ADGRG7: variants seen among roughly 807,000 people sequenced by gnomAD.
ADGRG7 encodes the protein adhesion G protein-coupled receptor G7.
ADGRG7 carries 82 observed loss-of-function variants against 88.6 expected under a neutral mutation model. That is an observed-to-expected ratio of 0.93 (90% CI 0.77 to 1.11). The LOEUF is 1.11. Ranked by LOEUF, ADGRG7 falls within the 50% of genes most tolerant of loss-of-function variation. ADGRG7 has a pLI of 0.00. For missense variants in ADGRG7, 945 were observed against 953.4 expected, an observed-to-expected ratio of 0.99 and a Z score of 0.12; for synonymous variants, 381 against 345.2, an observed-to-expected ratio of 1.10 and a Z score of -1.15.
At chr3:100,619,650 A>T (rs2149012709) in intron 1 of ADGRG7, among the ~76,000 whole-genome samples, 1 of 152,188 alleles carries the variant, frequency 6.6e-6, no homozygotes, top group East Asian at 1.9e-4. Flanking sequence ...ACAAAATTGA[A>T]AGACAGCTAG....
chr3:100,663,878 C>T (rs1170974458), intron 14 of ADGRG7, among the ~76,000 whole-genome samples: 2 of 152,042 alleles, frequency 1.3e-5, no homozygotes, highest in East Asian at 3.9e-4. Flanking sequence ...CATCATCTAA[C>T]AAGACTGGTT....
chr3:100,687,918 T>A (rs1409934561), intron 15 of ADGRG7, among the ~76,000 whole-genome samples: 5 of 152,196 alleles, frequency 3.3e-5, no homozygotes, highest in Non-Finnish European at 7.3e-5. Context: ...GATTCCCTCT[T>A]TTTCTATTGA....
At chr3:100,639,814 A>G (rs186350465) in intron 6 of ADGRG7, among the ~76,000 whole-genome samples, 3 of 152,368 alleles carry the variant, frequency 2.0e-5, no homozygotes, top group Admixed American at 6.5e-5. Context: ...GACTTAATAT[A>G]TAAAGGAAAA....
intron 14 of ADGRG7, chr3:100,664,901 G>A (rs1271972442): frequency 3.1e-6 from 1 of 320,048 alleles, no homozygotes; most frequent in Non-Finnish European, 6.2e-6. Context: ...TTTCATCTTT[G>A]ATCAAACTTT....
intron 15 of ADGRG7, among the ~76,000 whole-genome samples, chr3:100,684,192 C>T (rs1264031942): frequency 6.6e-6 from 1 of 151,706 alleles, no homozygotes; most frequent in Non-Finnish European, 1.5e-5. Context: ...TTTAACTTAT[C>T]TCTTTTTAGA....
chr3:100,612,518 G>A (rs1404176254), intron 1 of ADGRG7, among the ~76,000 whole-genome samples: 2 of 152,116 alleles, frequency 1.3e-5, no homozygotes, highest in African/African-American at 2.4e-5. Flanking sequence ...ACATAATTAA[G>A]CTTTATTATA....
At chr3:100,643,181 C>T (rs1707674354) in intron 6 of ADGRG7, 85 bp from the exon 7 acceptor site, 1 of 1,192,016 alleles carries the variant, frequency 8.4e-7, no homozygotes, top group Admixed American at 2.1e-5. Context: ...ATGCTCATGT[C>T]TTTCTGCTGT....
intron 15 of ADGRG7, among the ~76,000 whole-genome samples, chr3:100,675,758 C>A (rs765690417): frequency 4.6e-5 from 7 of 152,030 alleles, no homozygotes; most frequent in Non-Finnish European, 7.4e-5. Context: ...TGCTAGGAAA[C>A]TTTTTATTAC....
chr3:100,641,623 C>A (rs1413954792), intron 6 of ADGRG7, among the ~76,000 whole-genome samples: 1 of 152,260 alleles, frequency 6.6e-6, no homozygotes, highest in African/African-American at 2.4e-5. Flanking sequence ...GTGATTCAGT[C>A]TCCAGGGCTT....
In ADGRG7 at chr3:100,661,384, T is replaced by C. The variant is rs536929286; in HGVS notation, c.1979+1541T>C. On this transcript the variant is annotated intron_variant, in intron 14 of 15. Transcript: ENST00000273352. ...AATACCAGATGAGTAAAAGCCACCA[T>C]CTTTAGTGGGACTATATCTTTTTTT... Among the ~76,000 whole-genome samples, 5 of 152,362 alleles carry C rather than the reference T, an allele frequency of 3.3e-5. No individual in the cohort carries two copies. In the East Asian group the frequency reaches 9.6e-4, roughly 29 times the overall value.
intron 13 of ADGRG7, among the ~76,000 whole-genome samples, chr3:100,657,754 A>G (rs987385351): frequency 6.6e-6 from 1 of 152,168 alleles, no homozygotes; most frequent in African/African-American, 2.4e-5. Flanking sequence ...GCACTATTTT[A>G]TTTATGGATG....
chr3:100,621,492 C>G (rs1707310959), intron 1 of ADGRG7, among the ~76,000 whole-genome samples: 3 of 152,108 alleles, frequency 2.0e-5, no homozygotes, highest in African/African-American at 7.2e-5. Flanking sequence ...AAGATCAAAC[C>G]AGTTGTAACA....
intron 15 of ADGRG7, among the ~76,000 whole-genome samples, chr3:100,693,762 T>C (rs761312304): frequency 6.6e-6 from 1 of 152,242 alleles, no homozygotes; most frequent in Non-Finnish European, 1.5e-5. Flanking sequence ...TAATATCTTA[T>C]ACAGCCATAG....
intron 1 of ADGRG7, among the ~76,000 whole-genome samples, chr3:100,611,001 G>A (rs1011135193): frequency 1.3e-5 from 2 of 152,046 alleles, no homozygotes; most frequent in African/African-American, 4.8e-5. Flanking sequence ...CTACCCCACC[G>A]CCCTAACCAG....
intron 1 of ADGRG7, among the ~76,000 whole-genome samples, chr3:100,619,443 C>T (rs1414676322): frequency 6.6e-6 from 1 of 152,068 alleles, no homozygotes; most frequent in African/African-American, 2.4e-5. Flanking sequence ...TAAATGCCCA[C>T]AAGAGAAAGC....
At chr3:100,628,269 T>TTA (rs1553690724) in intron 1 of ADGRG7, among the ~76,000 whole-genome samples, 1 of 151,878 alleles carries the variant, frequency 6.6e-6, no homozygotes, top group Non-Finnish European at 1.5e-5. Flanking sequence ...GTTTTTTTTT[T>TTA]AAAAACGTTT....
intron 6 of ADGRG7, among the ~76,000 whole-genome samples, chr3:100,642,506 A>G (rs1489530934): frequency 6.6e-6 from 1 of 152,210 alleles, no homozygotes; most frequent in Non-Finnish European, 1.5e-5. Flanking sequence ...CTACATTTTG[A>G]TGAAATCCTT....
At chr3:100,690,786 G>A (rs535624396) in intron 15 of ADGRG7, among the ~76,000 whole-genome samples, 1 of 152,174 alleles carries the variant, frequency 6.6e-6, no homozygotes, top group Non-Finnish European at 1.5e-5. Flanking sequence ...CTACTTGGGG[G>A]TGCCTCCCAG....
intron 15 of ADGRG7, among the ~76,000 whole-genome samples, chr3:100,679,939 C>G (rs1203157139): frequency 2.0e-5 from 3 of 152,134 alleles, no homozygotes; most frequent in Non-Finnish European, 2.9e-5. Flanking sequence ...GTGAATAAAA[C>G]ATTTACTCTG....
Sources: gnomAD v4.1 joint callset for allele counts (sites outside exome capture counted in the v4.1 genomes callset) on GRCh38, gnomAD v4.1.1 for gene constraint, MANE v1.5 for transcripts, NCBI Gene and HGNC (gene_info 2026-07-23, HGNC 2026-07-21) for gene names.